The following PCDH18 variants were observed in gnomAD, a reference collection of about 807,000 sequenced individuals.
PCDH18 encodes protocadherin-18.
In PCDH18, 38 loss-of-function variants were observed where a neutral mutation model predicts 71.5. The ratio of observed to expected loss-of-function variants is 0.53; its 90% CI spans 0.41 to 0.70. The LOEUF (loss-of-function observed/expected upper bound fraction) is 0.70, where lower values mean the gene tolerates loss of function less well. Among genes scored for constraint, PCDH18 ranks in the 30% least tolerant of loss-of-function variants. PCDH18 has a pLI of 0.00. For missense variants in PCDH18, 1,334 were observed against 1,384.6 expected (o/e 0.96, Z 0.58); for synonymous variants, 565 against 505.4 (o/e 1.12, Z -1.58).
chr4:137,523,925 C>G (rs981274395), intron 3 of PCDH18, among the ~76,000 whole-genome samples: 2 of 151,940 alleles, frequency 1.3e-5, no homozygotes, highest in Admixed American at 6.6e-5. Flanking sequence ...TGAGAAAAGA[C>G]TAATGGAGGG....
rs764191135 is a variant in PCDH18, at chr4:137,531,658, A to G, written c.431T>C (p.Ile144Thr). 4.3e-6 allele frequency: 7 copies of G among 1,612,832 alleles called. No homozygotes were observed. Residue 144 changes from isoleucine to threonine, a missense_variant, in exon 1 of 4, where the codon ATT becomes ACT. Around this residue, in one of 3 missense-constraint regions of PCDH18, gnomAD observed 1,011 missense variants for 1,048.0 expected, o/e 0.96. Transcript: ENST00000344876. ...AACTGCTGCACTCTCAGATATCTCA[A>G]TAGGTATGAGAGATCTTGAAAACTG... is the stretch of plus-strand genomic sequence containing the variant. Reference protein sequence around the residue: ...SPQFSRSLIPIEISESAAVGT... With the variant: ...SPQFSRSLIPTEISESAAVGT...
At position 137,520,961 on chromosome 4, in the gene PCDH18, G is replaced by T. The variant is rs1731270849; in HGVS notation, c.*68C>A. ...ATTTGGCAATGCCAGTTCTTTCAGG[G>T]TTTTTTGTTGTTGTTGTTGTTCCCT... On this transcript the variant is annotated 3_prime_UTR_variant, in exon 4 of 4. Coordinates refer to ENST00000344876, the MANE Select transcript of PCDH18 (RefSeq NM_019035.5). The T allele has an allele frequency of 8.6e-7, 1 of 1,163,316 alleles. No homozygotes were observed. Among genetic ancestry groups the T allele is most frequent in the South Asian group, 1.5e-5 (1 of 65,314 alleles). The allele number at this position is 1,163,316 out of a possible 1,614,324, so 72.1% of individuals were successfully genotyped here. A position where few individuals can be genotyped will look rare whatever the true frequency, so the allele number is the denominator to read the frequency against.
rs1393078366 is a variant in PCDH18, at chr4:137,530,494, A to T, written c.1595T>A (p.Ile532Asn). The T allele has an allele frequency of 6.2e-7, 1 of 1,614,030 alleles. No individual in the cohort carries two copies. The highest frequency in any genetic ancestry group is 1.7e-5 in the Admixed American group (1 of 60,006). The change falls in exon 1 of 4, where the codon ATC (isoleucine) becomes AAC (asparagine). Residue 532 changes from isoleucine to asparagine, a missense_variant. Ile to Asn is a moderately radical substitution (Grantham distance 149). Transcript: ENST00000344876. Reference protein sequence around the residue: ...PSNGAIYALRIFDHEEVSQIT... With the variant: ...PSNGAIYALRNFDHEEVSQIT... ...CTGACTCACTTCTTCATGATCAAAG[A>T]TTCTGAGGGCATAGATGGCTCCATT...
Position 137,530,019 on chromosome 4 carries a change from T to G in PCDH18, c.2070A>C (p.Ser690=). The change falls in exon 1 of 4, where the codon TCA becomes TCC. Residue 690 remains serine (S), a synonymous_variant. Coordinates refer to ENST00000344876, the MANE Select transcript of PCDH18 (RefSeq NM_019035.5). Reference sequence around the variant, plus strand: ...AGACATCCAAGGATGCCTGGCTTACTGAAGTCATTGCTGTACTTGTCACCG... The same window carrying G: ...AGACATCCAAGGATGCCTGGCTTACGGAAGTCATTGCTGTACTTGTCACCG... ...AESVTSTAMT[S]VSQASLDVSM... 6.2e-7 allele frequency: 1 copy of G among 1,614,162 alleles called. No individual in the cohort carries two copies. The highest frequency in any genetic ancestry group is 8.5e-7 in the Non-Finnish European group (1 of 1,179,992).
chr4:137,527,710 A>G (rs1351771257), intron 3 of PCDH18, among the ~76,000 whole-genome samples: 1 of 152,204 alleles, frequency 6.6e-6, no homozygotes, highest in Non-Finnish European at 1.5e-5. Flanking sequence ...ACGTATTCCT[A>G]AGGTTGATTT....
chr4:137,528,365 T>A lies in PCDH18; in HGVS notation c.2740+113A>T, dbSNP rs1731539354. ...AACATACTATAAAACATATTATAAA[T>A]ACTTTAGTGCAAGGGACAAATAAAG... On this transcript the variant is annotated intron_variant, in intron 3 of 3. Coordinates refer to ENST00000344876, the MANE Select transcript of PCDH18 (RefSeq NM_019035.5). 11 of 788,280 alleles carry A rather than the reference T, an allele frequency of 1.4e-5. No homozygotes were observed. The South Asian group carries it at 1.7e-4, about 12-fold the overall frequency. The allele number at this position is 788,280 out of a possible 1,614,324, so 48.8% of individuals were successfully genotyped here. A position where few individuals can be genotyped will look rare whatever the true frequency, so the allele number is the denominator to read the frequency against.
At position 137,532,435 on chromosome 4, in the gene PCDH18, C is replaced by T. The variant is rs1731748407; in HGVS notation, c.-347G>A. ...GTGTCTTTCCTGAGCGATTCTTTCT[C>T]CCTTTAGCTGCTCGGCTGCAGACTA... On this transcript the variant is annotated 5_prime_UTR_variant, in exon 1 of 4. Transcript: ENST00000344876. 1.5e-6 allele frequency: 1 copy of T among 675,114 alleles called. No homozygotes were observed. Among genetic ancestry groups the T allele is most frequent in the Admixed American group, 2.1e-5 (1 of 47,382 alleles). 41.8% of individuals were successfully genotyped at this position (675,114 alleles called of 1,614,324 possible). A position where few individuals can be genotyped will look rare whatever the true frequency, so the allele number is the denominator to read the frequency against.
chr4:137,523,697 A>G (rs1039218768), intron 3 of PCDH18, among the ~76,000 whole-genome samples: 1 of 152,184 alleles, frequency 6.6e-6, no homozygotes, highest in African/African-American at 2.4e-5. Context: ...CTAGTTTTCT[A>G]AAGACCTAAA....
rs145823786 is a variant in PCDH18, at chr4:137,529,991, T to A, written c.2098A>T (p.Met700Leu). The A allele has an allele frequency of 1.9e-6, 3 of 1,613,860 alleles. No individual in the cohort carries two copies. In the African/African-American group the frequency reaches 4.0e-5, roughly 22 times the overall value. Reference protein sequence around the residue: ...SVSQASLDVSMIIIISLGAIC... With the variant: ...SVSQASLDVSLIIIISLGAIC... ...GCTCCTAAGGAAATAATTATTATCA[T>A]GGAGACATCCAAGGATGCCTGGCTT... Residue 700 changes from methionine (M) to leucine (L), a missense_variant, in exon 1 of 4, where the codon ATG becomes TTG. Coordinates refer to ENST00000344876, the MANE Select transcript of PCDH18 (RefSeq NM_019035.5).
rs1461754494 is a variant in PCDH18, at chr4:137,520,982, T to A, written c.*47A>T. ...CAGGGTTTTTTGTTGTTGTTGTTGT[T>A]CCCTATTTCCATATACATGGAAACA... On this transcript the variant is annotated 3_prime_UTR_variant, in exon 4 of 4. Transcript: ENST00000344876. 1 of 1,338,374 alleles carries A rather than the reference T, an allele frequency of 7.5e-7. No homozygotes were observed. The highest frequency in any genetic ancestry group is 1.0e-6 in the Non-Finnish European group (1 of 970,068). The allele number at this position is 1,338,374 out of a possible 1,614,324, so 82.9% of individuals were successfully genotyped here. A position where few individuals can be genotyped will look rare whatever the true frequency, so the allele number is the denominator to read the frequency against.
At chr4:137,525,965 A>G (rs1731442328) in intron 3 of PCDH18, among the ~76,000 whole-genome samples, 2 of 152,050 alleles carry the variant, frequency 1.3e-5, no homozygotes, top group South Asian at 2.1e-4. Context: ...ACTAAACACA[A>G]TTCAGTTTTC....
chr4:137,528,579 G>T lies in PCDH18; in HGVS notation c.2639C>A (p.Ala880Glu). The T allele has an allele frequency of 6.2e-7, 1 of 1,613,646 alleles. No homozygotes were observed. Among genetic ancestry groups the T allele is most frequent in the South Asian group, 1.1e-5 (1 of 91,072 alleles). Residue 880 changes from alanine to glutamate, a missense_variant, in exon 3 of 4, where the codon GCA becomes GAA. Physicochemically the swap from Ala to Glu is moderately radical, Grantham distance 107. This residue lies in a region of PCDH18 where 4 missense variants were observed against 20.2 expected (regional missense o/e 0.20). Coordinates refer to ENST00000344876, the MANE Select transcript of PCDH18 (RefSeq NM_019035.5). ...CCCCAAATCATAATCACTGTCTCCT[G>T]CCTCACTGTCACCACGGCCACTGTC... Reference protein sequence around the residue: ...LKDSGRGDSEAGDSDYDLGRD... With the variant: ...LKDSGRGDSEEGDSDYDLGRD...
rs1051677541 is a variant in PCDH18, at chr4:137,519,305, C to G, written c.*1724G>C. On this transcript the variant is annotated 3_prime_UTR_variant, in exon 4 of 4. Coordinates refer to ENST00000344876, the MANE Select transcript of PCDH18 (RefSeq NM_019035.5). Reference sequence around the variant, plus strand: ...TCCCAGTGTTTCAATTCCTGACTAGCAAGCCAGGGACGATAATATTCTTGC... The same window carrying G: ...TCCCAGTGTTTCAATTCCTGACTAGGAAGCCAGGGACGATAATATTCTTGC... 1.4e-4 allele frequency: 22 copies of G among 152,178 alleles called. No homozygotes were observed. The highest frequency in any genetic ancestry group is 5.3e-4 in the African/African-American group (22 of 41,452). 9.4% of individuals were successfully genotyped at this position (152,178 alleles called of 1,614,324 possible). A position where few individuals can be genotyped will look rare whatever the true frequency, so the allele number is the denominator to read the frequency against.
Position 137,521,439 on chromosome 4 carries a change from T to C in PCDH18, c.2998A>G (p.Ser1000Gly). Residue 1000 changes from serine to glycine, a missense_variant, in exon 4 of 4, where the codon AGC (serine) becomes GGC (glycine). Physicochemically the swap from Ser to Gly is moderately conservative, Grantham distance 56. This residue lies in a region of PCDH18 where 319 missense variants were observed against 316.3 expected (regional missense o/e 1.01). Coordinates refer to ENST00000344876, the MANE Select transcript of PCDH18 (RefSeq NM_019035.5). ...ATTTCCGAGAGCAGAGATGATGTGC[T>C]GGTATCCCCAGTGTCCTCATCGTTT... Reference protein sequence around the residue: ...SPNDEDTGDTSTSSLLSEMSS... With the variant: ...SPNDEDTGDTGTSSLLSEMSS... 6.2e-7 allele frequency: 1 copy of C among 1,614,230 alleles called. No homozygotes were observed.
At position 137,524,472 on chromosome 4, in the gene PCDH18, G is replaced by A. The variant is rs75034232; in HGVS notation, c.2741-2776C>T. ...CAGGTAAAGTGTCAAACTAGATGAT[G>A]CTAAGGGCATGTCAAGAAAGGAAAA... On this transcript the variant is annotated intron_variant, in intron 3 of 3. Coordinates refer to ENST00000344876, the MANE Select transcript of PCDH18 (RefSeq NM_019035.5). 5.1e-3 allele frequency among the ~76,000 whole-genome samples: 782 copies of A among 152,222 alleles called. 26 individuals carry two copies. The East Asian group carries it at 0.083, about 16-fold the overall frequency.
In PCDH18 at chr4:137,532,258, G is replaced by C; in HGVS notation, c.-170C>G. ...CAAACTTTTGTTTTATACACACCGT[G>C]TCACGACTTCCAGATACCTTCGGCA... is the stretch of plus-strand genomic sequence containing the variant. On this transcript the variant is annotated 5_prime_UTR_variant, in exon 1 of 4. Coordinates refer to ENST00000344876, the MANE Select transcript of PCDH18 (RefSeq NM_019035.5). 2 of 710,324 alleles carry C rather than the reference G, an allele frequency of 2.8e-6. No homozygotes were observed. Among genetic ancestry groups the C allele is most frequent in the Non-Finnish European group, 2.6e-6 (1 of 390,370 alleles). 44.0% of individuals were successfully genotyped at this position (710,324 alleles called of 1,614,324 possible).
chr4:137,530,857 T>C lies in PCDH18; in HGVS notation c.1232A>G (p.Tyr411Cys). 6.2e-7 allele frequency: 1 copy of C among 1,609,870 alleles called. No homozygotes were observed. Among genetic ancestry groups the C allele is most frequent in the Non-Finnish European group, 8.5e-7 (1 of 1,177,588 alleles). The change falls in exon 1 of 4, where the codon TAT becomes TGT. Residue 411 changes from tyrosine to cysteine, a missense_variant. This residue lies in a region of PCDH18 where 1,011 missense variants were observed against 1,048.0 expected (regional missense o/e 0.96). Coordinates refer to ENST00000344876, the MANE Select transcript of PCDH18 (RefSeq NM_019035.5). ...AGTTAAGATTAAATAATTGTTTTCA[T>C]ATGTCTTCTGAAGTTTAAAGTGACC... The part of the protein sequence containing the change: ...GHGHFKLQKT[Y>C]ENNYLILTNA...
rs1560728545 is a variant in PCDH18 at position 137,531,589 on chromosome 4, C to T, written c.500G>A (p.Gly167Glu). Reference protein sequence around the residue: ...PLDSAFDPDVGENSLHTYSLS... With the variant: ...PLDSAFDPDVEENSLHTYSLS... ...CGAGTATGTGTGGAGGGAATTTTCCCCAACATCTGGATCAAATGCACTGTC... is the reference window on the plus strand; with the variant it reads ...CGAGTATGTGTGGAGGGAATTTTCCTCAACATCTGGATCAAATGCACTGTC... Residue 167 changes from glycine to glutamate, a missense_variant, in exon 1 of 4, where the codon GGG (glycine) becomes GAG (glutamate). By Grantham distance (98) the Gly-to-Glu change is moderately conservative (BLOSUM62 -2). Coordinates refer to ENST00000344876, the MANE Select transcript of PCDH18 (RefSeq NM_019035.5). 1 of 1,613,348 alleles carries T rather than the reference C, an allele frequency of 6.2e-7. No homozygotes were observed. Among genetic ancestry groups the T allele is most frequent in the Non-Finnish European group, 8.5e-7 (1 of 1,179,588 alleles).
intron 3 of PCDH18, among the ~76,000 whole-genome samples, chr4:137,525,992 C>G (rs1731443034): frequency 6.6e-6 from 1 of 151,960 alleles, no homozygotes; most frequent in Admixed American, 6.6e-5. Context: ...TTATCTATGT[C>G]TACCTATTGT....
Sources: gnomAD v4.1 joint callset for allele counts (sites outside exome capture counted in the v4.1 genomes callset) on GRCh38, gnomAD v4.1.1 for gene constraint, gnomAD v4.1.1 regional missense constraint, MANE v1.5 for transcripts, NCBI Gene and HGNC (gene_info 2026-07-23, HGNC 2026-07-21) for gene names.